BMP1: variants seen among roughly 807,000 people sequenced by gnomAD.
The protein encoded by BMP1 is bone morphogenetic protein 1.
In BMP1, 63 loss-of-function variants were observed where a neutral mutation model predicts 116.8. The ratio of observed to expected loss-of-function variants is 0.54; its 90% confidence interval spans 0.44 to 0.67. The LOEUF is 0.67. BMP1 is among the 30% of genes least tolerant of loss of function. The pLI, the probability that BMP1 is intolerant of heterozygous loss-of-function variation, is 0.00. For missense variants in BMP1, 1,183 were observed against 1,358.9 expected, an observed-to-expected ratio of 0.87 and a Z score of 2.04; for synonymous variants, 536 against 533.4, an observed-to-expected ratio of 1.00 and a Z score of -0.07.
chr8:22,194,109 G>A lies in BMP1; in HGVS notation c.1232G>A (p.Arg411His), dbSNP rs184592914. Reference sequence around the variant, plus strand: ...GAGCCTATCGTCTCCACTGACAGCCGCCTCTGGGTTGAATTCCGCAGCAGC... The same window carrying A: ...GAGCCTATCGTCTCCACTGACAGCCACCTCTGGGTTGAATTCCGCAGCAGC... Reference protein sequence around the residue: ...LPEPIVSTDSRLWVEFRSSSN... With the variant: ...LPEPIVSTDSHLWVEFRSSSN... Residue 411 changes from arginine to histidine, a missense_variant, in exon 10 of 20, where the codon CGC becomes CAC. Transcript: ENST00000306385. This position sits in a 1 kb window ranked among gnomAD's most constrained non-coding sequence, Gnocchi z 4.5. 46 of 1,614,190 alleles carry A rather than the reference G, an allele frequency of 2.8e-5. No homozygotes were observed. In the East Asian group the frequency reaches 8.5e-4, roughly 30 times the overall value.
chr8:22,207,026 G>T (rs73551745), intron 17 of BMP1, 45 bp downstream of exon 17: 2 of 1,606,602 alleles, frequency 1.2e-6, no homozygotes, highest in Non-Finnish European at 1.7e-6. Context: ...GGCTGCCCCC[G>T]GTCAGAGGCA....
Position 22,211,897 on chromosome 8 carries a change from G to C in BMP1, c.*169G>C. 1 of 996,204 alleles carries C rather than the reference G, an allele frequency of 1.0e-6. No individual in the cohort carries two copies. The highest frequency in any genetic ancestry group is 1.4e-6 in the Non-Finnish European group (1 of 692,910). The allele number at this position is 996,204 out of a possible 1,614,324, so 61.7% of individuals were successfully genotyped here. A position where few individuals can be genotyped will look rare whatever the true frequency, so the allele number is the denominator to read the frequency against. ...ATAGGAGGTGGGGGAACTGGACTCC[G>C]GCATAAGCCACTTCCCCACAAACCC... On this transcript the variant is annotated 3_prime_UTR_variant, in exon 20 of 20. Coordinates refer to ENST00000306385, the MANE Select transcript of BMP1 (RefSeq NM_006129.5).
intron 4 of BMP1, 143 bp downstream of exon 4, chr8:22,176,793 C>G (rs1828449809): frequency 9.6e-7 from 1 of 1,046,324 alleles, no homozygotes; most frequent in East Asian, 2.5e-5. Flanking sequence ...CAGGAACTGC[C>G]CCCTGTGCGG....
intron 15 of BMP1, chr8:22,199,020 A>C (rs759503650): frequency 3.5e-5 from 47 of 1,325,380 alleles, no homozygotes; most frequent in Non-Finnish European, 4.5e-5. Flanking sequence ...CTGTTGCTCC[A>C]GTCTTGGAGG....
At chr8:22,165,705 G>T in intron 1 of BMP1, 152 bp downstream of exon 1, 2 of 899,334 alleles carry the variant, frequency 2.2e-6, no homozygotes. Context: ...GGGAGAGGGA[G>T]GGGGATTTGG....
chr8:22,203,196 C>T (rs564040918), intron 16 of BMP1, among the ~76,000 whole-genome samples: 11 of 152,290 alleles, frequency 7.2e-5, no homozygotes, highest in African/African-American at 2.6e-4. Flanking sequence ...TACCATTGAA[C>T]ATCTGTGTGA....
chr8:22,203,809 G>C (rs1205408968), intron 16 of BMP1, among the ~76,000 whole-genome samples: 1 of 152,168 alleles, frequency 6.6e-6, no homozygotes, highest in East Asian at 1.9e-4. Flanking sequence ...CCTGAGTCAT[G>C]GAACTAGCTA....
rs1273645805 is a variant in BMP1, at chr8:22,179,443, C to T, written c.837-262C>T. ...CTGGGAGCACCAGTGGGTCCAAGGG[C>T]ACCCTGGACCTGCATCCCTGACCTC... On this transcript the variant is annotated intron_variant, in intron 6 of 19. Transcript: ENST00000306385. The surrounding 1 kb of genome is among the most constrained non-coding windows in gnomAD (Gnocchi z 4.6). Among the ~76,000 whole-genome samples the T allele has an allele frequency of 6.6e-6, 1 of 152,156 alleles. No individual in the cohort carries two copies. Among genetic ancestry groups the T allele is most frequent in the South Asian group, 2.1e-4 (1 of 4,834 alleles).
At chr8:22,177,532 T>G (rs754322796) in intron 5 of BMP1, 1 of 722,604 alleles carries the variant, frequency 1.4e-6, no homozygotes, top group Non-Finnish European at 2.6e-6. Context: ...TCGATGTCTC[T>G]GTCCCTCCCT....
chr8:22,199,643 G>T (rs1317206535), intron 15 of BMP1, among the ~76,000 whole-genome samples: 1 of 152,210 alleles, frequency 6.6e-6, no homozygotes, highest in African/African-American at 2.4e-5. Context: ...TGTGAGGAAG[G>T]GGTGGAGCGA....
chr8:22,209,012 GT>G (rs1217018694), intron 18 of BMP1, among the ~76,000 whole-genome samples: 4 of 152,094 alleles, frequency 2.6e-5, no homozygotes, highest in Non-Finnish European at 4.4e-5. Flanking sequence ...CCCACACTGT[GT>G]TTTTTTTAAA....
intron 16 of BMP1, among the ~76,000 whole-genome samples, chr8:22,205,398 GT>G (rs1829333448): frequency 6.6e-6 from 1 of 152,184 alleles, no homozygotes; most frequent in African/African-American, 2.4e-5. Flanking sequence ...AGGCTGGGTG[GT>G]CAGCCCTGCA....
rs369901025 is a variant in BMP1 at position 22,201,205 on chromosome 8, G to A, written c.2108-598G>A. The A allele has an allele frequency of 1.4e-4, 225 of 1,612,296 alleles. 1 individual carries two copies. In the African/African-American group the frequency reaches 2.5e-3, roughly 18 times the overall value. ...AAAAGAAACCGGACCCCCCAGTGAGGCCTGCCAGGCCTCCCGGACCCCTTG... is the reference window on the plus strand; with the variant it reads ...AAAAGAAACCGGACCCCCCAGTGAGACCTGCCAGGCCTCCCGGACCCCTTG... On this transcript the variant is annotated intron_variant, in intron 15 of 19. Transcript: ENST00000306385.
intron 1 of BMP1, among the ~76,000 whole-genome samples, chr8:22,169,177 ACT>A (rs1160062601): frequency 3.0e-5 from 4 of 131,906 alleles, no homozygotes; most frequent in Non-Finnish European, 4.9e-5. Context: ...ACAAAGCAAG[ACT>A]CTGTGAAAAA....
In BMP1 at chr8:22,194,394, C is replaced by T. The variant is rs1402627762; in HGVS notation, c.1298-51C>T. ...TGGGGAAAAGAGCTCCCTAGCAGGG[C>T]AAAGCATGCTGACTCACCACCCCTT... On this transcript the variant is annotated intron_variant, in intron 10 of 19. Coordinates refer to ENST00000306385, the MANE Select transcript of BMP1 (RefSeq NM_006129.5). This position sits in a 1 kb window ranked among gnomAD's most constrained non-coding sequence, Gnocchi z 4.5. 2 of 1,607,182 alleles carry T rather than the reference C, an allele frequency of 1.2e-6. No individual in the cohort carries two copies. The highest frequency in any genetic ancestry group is 1.7e-6 in the Non-Finnish European group (2 of 1,175,998).
chr8:22,199,139 AC>A (rs779005574), intron 15 of BMP1: 2 of 1,367,412 alleles, frequency 1.5e-6, no homozygotes, highest in Non-Finnish European at 2.0e-6. Context: ...GGAGACACAC[AC>A]GCCCACACGC....
Position 22,209,834 on chromosome 8 carries a change from G to A in BMP1, c.2826+139G>A, listed in dbSNP as rs147150327. 5 of 958,972 alleles carry A rather than the reference G, an allele frequency of 5.2e-6. No homozygotes were observed. The African/African-American group carries it at 6.6e-5, about 13-fold the overall frequency. The allele number at this position is 958,972 out of a possible 1,614,324, so 59.4% of individuals were successfully genotyped here. ...GTGCAGCACGCGTGTGGCCCTGTGTGGGAGCCCAGAAGCCCAGCCTTGTTG... is the reference window on the plus strand; with the variant it reads ...GTGCAGCACGCGTGTGGCCCTGTGTAGGAGCCCAGAAGCCCAGCCTTGTTG... On this transcript the variant is annotated intron_variant, in intron 19 of 19. Transcript: ENST00000306385.
chr8:22,181,087 CA>C (rs1828607395), intron 8 of BMP1, among the ~76,000 whole-genome samples: 1 of 152,246 alleles, frequency 6.6e-6, no homozygotes, highest in African/African-American at 2.4e-5. Flanking sequence ...CCTTCTCACC[CA>C]TCCTTCCCCT....
In BMP1 at chr8:22,192,306, CTGCATTACTCACTTGCTGCGAGACT is replaced by C. The variant is rs1309770336; in HGVS notation, c.1180+157_1180+181del. On this transcript the variant is annotated intron_variant, in intron 9 of 19. Coordinates refer to ENST00000306385, the MANE Select transcript of BMP1 (RefSeq NM_006129.5). ...TCCTGGCATCATTAGTCCCAGATAG[CTGCATTACTCACTTGCTGCGAGACT>C]TCAGGCAAGTCCTGTCCTCAATCTG... 1.2e-4 allele frequency: 72 copies of C among 608,290 alleles called. 1 individual carries two copies. Among genetic ancestry groups the C allele is most frequent in the Admixed American group, 3.6e-4 (13 of 35,888 alleles). The allele number at this position is 608,290 out of a possible 1,614,324, so 37.7% of individuals were successfully genotyped here. A position where few individuals can be genotyped will look rare whatever the true frequency, so the allele number is the denominator to read the frequency against.
Sources: allele counts gnomAD v4.1 joint callset (sites outside exome capture counted in the v4.1 genomes callset), GRCh38; gene constraint gnomAD v4.1.1; non-coding constraint Gnocchi (gnomAD v3.1); transcripts MANE v1.5; gene names NCBI Gene and HGNC (gene_info 2026-07-23, HGNC 2026-07-21).